Variants in TRAPPC9 observed in about 807,000 individuals in gnomAD.
The protein encoded by TRAPPC9 is trafficking protein particle complex subunit 9.
A neutral mutation model predicts 124.0 loss-of-function variants in TRAPPC9; 83 were observed. The ratio of observed to expected loss-of-function variants is 0.67; its 90% CI spans 0.56 to 0.80. TRAPPC9 has a LOEUF of 0.80. Among genes scored for constraint, TRAPPC9 ranks in the 30% least tolerant of loss-of-function variants. The pLI is 0.00. For synonymous variants in TRAPPC9, 638 were observed against 617.5 expected, an observed-to-expected ratio of 1.03 and a Z score of -0.49; for missense variants, 1,302 against 1,508.3, an observed-to-expected ratio of 0.86 and a Z score of 2.27.
intron 8 of TRAPPC9, among the ~76,000 whole-genome samples, chr8:140,368,618 AGT>A (rs1481508226): frequency 6.6e-6 from 1 of 152,164 alleles, no homozygotes; most frequent in Non-Finnish European, 1.5e-5. Flanking sequence ...CCAGAGCAGA[AGT>A]GCCCTCCCCA....
chr8:140,121,348 G>A (rs2130613108), intron 17 of TRAPPC9, among the ~76,000 whole-genome samples: 1 of 152,368 alleles, frequency 6.6e-6, no homozygotes, highest in East Asian at 1.9e-4. Flanking sequence ...AAGGGTCAGG[G>A]TTGGAGAAGC....
At chr8:140,232,524 T>C (rs1248064449) in intron 16 of TRAPPC9, among the ~76,000 whole-genome samples, 2 of 152,174 alleles carry the variant, frequency 1.3e-5, no homozygotes, top group Admixed American at 1.3e-4. Flanking sequence ...CTAAAGGTGT[T>C]CTCTTCACTT....
At chr8:140,134,522 C>A (rs915784238) in intron 17 of TRAPPC9, among the ~76,000 whole-genome samples, 1 of 84,308 alleles carries the variant, frequency 1.2e-5, no homozygotes, top group African/African-American at 4.4e-5. Flanking sequence ...TCTCAGCCTC[C>A]CAAAGTGCTG....
rs551142049 is a variant in TRAPPC9, at chr8:139,788,222, G to A, written c.3056-56020C>T. ...GGCGCCTGGCAGGGCAGCCCCTCCT[G>A]TGGCCCAGGACTCTGCTGAGCTTCA... On this transcript the variant is annotated intron_variant, in intron 21 of 22. Coordinates refer to ENST00000438773, the MANE Select transcript of TRAPPC9 (RefSeq NM_001160372.4). This position sits in a 1 kb window ranked among gnomAD's most constrained non-coding sequence, Gnocchi z 4.9. 1.3e-5 allele frequency among the ~76,000 whole-genome samples: 2 copies of A among 152,334 alleles called. No individual in the cohort carries two copies. The highest frequency in any genetic ancestry group is 2.1e-4 in the South Asian group (1 of 4,830).
chr8:139,880,958 A>C (rs1829644102), intron 21 of TRAPPC9: 1 of 152,220 alleles, frequency 6.6e-6, no homozygotes, highest in East Asian at 1.9e-4. Flanking sequence ...CTGAAGGCAG[A>C]AATGCCTTTC....
chr8:140,333,438 G>A (rs1287156565), intron 9 of TRAPPC9, among the ~76,000 whole-genome samples: 2 of 152,176 alleles, frequency 1.3e-5, no homozygotes, highest in Non-Finnish European at 2.9e-5. Flanking sequence ...TGTCGCCCAG[G>A]CTGGAGTGCA....
intron 9 of TRAPPC9, among the ~76,000 whole-genome samples, chr8:140,329,728 TG>T (rs2066846665): frequency 6.6e-6 from 1 of 152,176 alleles, no homozygotes; most frequent in Admixed American, 6.5e-5. Context: ...ATCTAAGGCT[TG>T]GAAAGGTCAT....
At position 140,205,378 on chromosome 8, in the gene TRAPPC9, T is replaced by C. The variant is rs75341968; in HGVS notation, c.2556+16081A>G. ...GTAAGAACAAGAACCCAAACTACAA[T>C]ATGTAGAAAGATTGGAAACATTCAT... On this transcript the variant is annotated intron_variant, in intron 17 of 22. Coordinates refer to ENST00000438773, the MANE Select transcript of TRAPPC9 (RefSeq NM_001160372.4). 6.6e-3 allele frequency among the ~76,000 whole-genome samples: 1,003 copies of C among 152,334 alleles called. 16 individuals are homozygous for C. Among genetic ancestry groups the C allele is most frequent in the African/African-American group, 0.023 (951 of 41,568 alleles).
chr8:139,777,590 ACTT>A (rs1473310863), intron 21 of TRAPPC9, among the ~76,000 whole-genome samples: 1 of 152,232 alleles, frequency 6.6e-6, no homozygotes, highest in Non-Finnish European at 1.5e-5. Flanking sequence ...TGGCCATGAG[ACTT>A]CTTACATAAC....
intron 13 of TRAPPC9, 146 bp downstream of exon 13, chr8:140,287,462 T>C (rs1439914425): frequency 8.4e-7 from 1 of 1,183,552 alleles, no homozygotes; most frequent in Non-Finnish European, 1.2e-6. Flanking sequence ...ACAGGTTTTT[T>C]TCATGCTTCC....
chr8:139,848,774 T>G (rs1249082091), intron 21 of TRAPPC9, among the ~76,000 whole-genome samples: 1 of 152,200 alleles, frequency 6.6e-6, no homozygotes, highest in Non-Finnish European at 1.5e-5. Context: ...CTTGTTGTCT[T>G]TCTCTTCCCC....
intron 21 of TRAPPC9, among the ~76,000 whole-genome samples, chr8:139,784,772 G>A (rs555215261): frequency 2.1e-4 from 32 of 151,930 alleles, no homozygotes; most frequent in Non-Finnish European, 3.8e-4. Context: ...TGTGAGACTG[G>A]TATGTGGAAA....
chr8:140,282,983 A>G (rs1446628197), intron 14 of TRAPPC9, among the ~76,000 whole-genome samples: 1 of 152,120 alleles, frequency 6.6e-6, no homozygotes, highest in African/African-American at 2.4e-5. Context: ...CACACCTGTA[A>G]TCCCAGCACT....
At chr8:140,198,550 C>G (rs1467220076) in intron 17 of TRAPPC9, among the ~76,000 whole-genome samples, 1 of 152,142 alleles carries the variant, frequency 6.6e-6, no homozygotes, top group Non-Finnish European at 1.5e-5. Context: ...TCAGCACTCC[C>G]GGCTCACTGG....
At chr8:139,841,459 C>T (rs927227911) in intron 21 of TRAPPC9, among the ~76,000 whole-genome samples, 2 of 152,100 alleles carry the variant, frequency 1.3e-5, no homozygotes, top group Admixed American at 6.5e-5. Context: ...TTCCCTGTCT[C>T]CCCCAGCGTG....
At chr8:139,989,353 A>G (rs1587426378) in intron 18 of TRAPPC9, among the ~76,000 whole-genome samples, 2 of 152,208 alleles carry the variant, frequency 1.3e-5, no homozygotes, top group Non-Finnish European at 2.9e-5. Flanking sequence ...CCATGCGGGC[A>G]CCTCTCGAAC....
intron 17 of TRAPPC9, among the ~76,000 whole-genome samples, chr8:140,162,181 T>C (rs898776579): frequency 2.0e-5 from 3 of 152,098 alleles, no homozygotes; most frequent in African/African-American, 7.2e-5. Context: ...ATACTGAGGT[T>C]TCTCTTTCAA....
chr8:140,208,531 T>C (rs976827457), intron 17 of TRAPPC9, among the ~76,000 whole-genome samples: 1 of 152,238 alleles, frequency 6.6e-6, no homozygotes, highest in African/African-American at 2.4e-5. Flanking sequence ...TTAACGCAGA[T>C]GCCACTGCCT....
intron 18 of TRAPPC9, among the ~76,000 whole-genome samples, chr8:139,991,799 G>C (rs1247083775): frequency 6.6e-6 from 1 of 151,926 alleles, no homozygotes; most frequent in Non-Finnish European, 1.5e-5. Context: ...AGGCTGCCAG[G>C]TGAAAAAAAT....
Sources: gnomAD v4.1 joint callset for allele counts (sites outside exome capture counted in the v4.1 genomes callset) on GRCh38, gnomAD v4.1.1 for gene constraint, Gnocchi (gnomAD v3.1) non-coding constraint, MANE v1.5 for transcripts, NCBI Gene and HGNC (gene_info 2026-07-23, HGNC 2026-07-21) for gene names.